The following CRTC1 variants were observed in gnomAD, a reference collection of about 807,000 sequenced individuals.
CRTC1 encodes CREB regulated transcription coactivator 1.
A neutral mutation model predicts 66.1 loss-of-function variants in CRTC1; 18 were observed. The observed-to-expected ratio is 0.27, with a 90% CI of 0.19 to 0.40. The LOEUF (loss-of-function observed/expected upper bound fraction) is 0.40, where lower values mean the gene tolerates loss of function less well. Among genes scored for constraint, CRTC1 ranks in the 10% least tolerant of loss-of-function variants. The probability of loss-of-function intolerance (pLI) is 1.00; values close to 1 mark genes in which losing one functional copy is unlikely to be tolerated. For synonymous variants in CRTC1, 416 were observed against 398.8 expected (o/e 1.04, Z -0.51); for missense variants, 669 against 887.9 (o/e 0.75, Z 3.13).
chr19:18,733,865 C>G (rs2053942215), intron 1 of CRTC1, among the ~76,000 whole-genome samples: 1 of 152,164 alleles, frequency 6.6e-6, no homozygotes, highest in Non-Finnish European at 1.5e-5. Flanking sequence ...CCTGTAATCC[C>G]AGCACTTTGG....
chr19:18,746,344 A>T (rs1382793880), intron 3 of CRTC1, among the ~76,000 whole-genome samples: 1 of 152,116 alleles, frequency 6.6e-6, no homozygotes, highest in Non-Finnish European at 1.5e-5. Context: ...CGCTGCACGG[A>T]GGGCAGCCCA....
At chr19:18,729,814 G>T in intron 1 of CRTC1, among the ~76,000 whole-genome samples, 1 of 152,100 alleles carries the variant, frequency 6.6e-6, no homozygotes, top group East Asian at 1.9e-4. Flanking sequence ...TCCCAGCCCC[G>T]CAGCCCTGTG....
At chr19:18,754,466 C>G (rs981065121) in intron 6 of CRTC1, among the ~76,000 whole-genome samples, 2 of 152,094 alleles carry the variant, frequency 1.3e-5, no homozygotes, top group African/African-American at 4.8e-5. Flanking sequence ...TGAGCTATGA[C>G]TATACCATTG....
intron 1 of CRTC1, among the ~76,000 whole-genome samples, chr19:18,685,390 G>T (rs975130555): frequency 6.6e-6 from 1 of 152,188 alleles, no homozygotes; most frequent in Non-Finnish European, 1.5e-5. Context: ...AGGTGTGGTG[G>T]CTCATGCCTG....
chr19:18,754,649 C>T (rs959750453), intron 6 of CRTC1, among the ~76,000 whole-genome samples: 1 of 152,230 alleles, frequency 6.6e-6, no homozygotes, highest in Non-Finnish European at 1.5e-5. Flanking sequence ...AAACAGCCTG[C>T]ACATTTCAGG....
At chr19:18,743,629 TGG>T (rs76431394) in intron 2 of CRTC1, among the ~76,000 whole-genome samples, 1 of 150,890 alleles carries the variant, frequency 6.6e-6, no homozygotes, top group Non-Finnish European at 1.5e-5. Flanking sequence ...CAGGTCCCCC[TGG>T]GGGGGGGTCA....
rs2054854150 is a variant in CRTC1 at position 18,771,014 on chromosome 19, G to A, written c.1321-428G>A. Among the ~76,000 whole-genome samples, 1 of 151,628 alleles carries A rather than the reference G, an allele frequency of 6.6e-6. No individual in the cohort carries two copies. Among genetic ancestry groups the A allele is most frequent in the Non-Finnish European group, 1.5e-5 (1 of 67,894 alleles). On this transcript the variant is annotated intron_variant, in intron 10 of 13. Transcript: ENST00000321949. The surrounding 1 kb of genome is among the most constrained non-coding windows in gnomAD (Gnocchi z 4.6). ...CATGCATGGGCATGTACATTCATGT[G>A]TGGATATGTGCACATGTGTGGGTGT...
chr19:18,735,007 G>A (rs1036265840), intron 1 of CRTC1, among the ~76,000 whole-genome samples: 4 of 152,318 alleles, frequency 2.6e-5, no homozygotes, highest in African/African-American at 9.6e-5. Context: ...ATGGCGAGGC[G>A]TCCGGGCAGA....
intron 11 of CRTC1, among the ~76,000 whole-genome samples, chr19:18,773,441 C>G (rs1472191316): frequency 6.6e-6 from 1 of 152,180 alleles, no homozygotes; most frequent in Non-Finnish European, 1.5e-5. Context: ...GAAACCTCAG[C>G]CTGTGTTCCC....
chr19:18,756,799 G>A (rs190913613), intron 6 of CRTC1, among the ~76,000 whole-genome samples: 1 of 152,246 alleles, frequency 6.6e-6, no homozygotes, highest in Non-Finnish European at 1.5e-5. Flanking sequence ...GGTGGTGGGT[G>A]AATTTTTAAT....
chr19:18,771,638 A>G lies in CRTC1; in HGVS notation c.1425+92A>G, dbSNP rs1447160074. On this transcript the variant is annotated intron_variant, in intron 11 of 13. Transcript: ENST00000321949. This position sits in a 1 kb window ranked among gnomAD's most constrained non-coding sequence, Gnocchi z 4.6. The stretch of plus-strand genomic sequence containing the variant: ...CCCTGCCCACTGTCTGTCCTCATGC[A>G]TCGCTCCTCATGCATGTCCTCATGC... The G allele has an allele frequency of 2.1e-6, 2 of 940,728 alleles. No homozygotes were observed. The highest frequency in any genetic ancestry group is 1.6e-5 in the African/African-American group (1 of 61,078). The allele number at this position is 940,728 out of a possible 1,614,324, so 58.3% of individuals were successfully genotyped here. A position where few individuals can be genotyped will look rare whatever the true frequency, so the allele number is the denominator to read the frequency against.
At chr19:18,715,021 T>G (rs570208586) in intron 1 of CRTC1, among the ~76,000 whole-genome samples, 84 of 152,326 alleles carry the variant, frequency 5.5e-4, no homozygotes, top group African/African-American at 1.9e-3. Context: ...TCTGGTGGTT[T>G]AAGAAACAGA....
intron 1 of CRTC1, among the ~76,000 whole-genome samples, chr19:18,733,179 C>T (rs1422450060): frequency 1.3e-5 from 2 of 152,072 alleles, no homozygotes; most frequent in Non-Finnish European, 2.9e-5. Flanking sequence ...TCCCTTAGTG[C>T]CTCAATTTAC....
At chr19:18,684,096 C>T (rs868607254) in intron 1 of CRTC1, among the ~76,000 whole-genome samples, 15 of 151,922 alleles carry the variant, frequency 9.9e-5, no homozygotes, top group South Asian at 4.1e-4. Context: ...GCCTCTATAT[C>T]ATTACTACTA....
At chr19:18,697,981 A>G (rs1037146989) in intron 1 of CRTC1, among the ~76,000 whole-genome samples, 4 of 152,064 alleles carry the variant, frequency 2.6e-5, no homozygotes, top group African/African-American at 9.7e-5. Flanking sequence ...CAACAGGCTA[A>G]TGGTATGTAC....
In CRTC1 at chr19:18,766,297, T is replaced by TA. The variant is rs1555787869; in HGVS notation, c.1011+769_1011+770insA. Among the ~76,000 whole-genome samples the TA allele has an allele frequency of 6.3e-3, 857 of 135,050 alleles. 7 individuals are homozygous for TA. Among genetic ancestry groups the TA allele is most frequent in the African/African-American group, 0.031 (823 of 26,780 alleles). 88.6% of individuals were successfully genotyped at this position (135,050 alleles called of 152,430 possible). A position where few individuals can be genotyped will look rare whatever the true frequency, so the allele number is the denominator to read the frequency against. On this transcript the variant is annotated intron_variant, in intron 9 of 13. Coordinates refer to ENST00000321949, the MANE Select transcript of CRTC1 (RefSeq NM_015321.3). The stretch of plus-strand genomic sequence containing the variant: ...TACCATGCCTGGCTAATTTTTTTTT[T>TA]TTTTTTTTTTTTGGTATTTTTAGTA...
intron 1 of CRTC1, among the ~76,000 whole-genome samples, chr19:18,695,329 ACT>A (rs964589821): frequency 1.2e-3 from 178 of 151,694 alleles, no homozygotes; most frequent in African/African-American, 3.9e-3. Context: ...TTTAAATGGG[ACT>A]CTGTAAAATG....
At chr19:18,711,019 C>T (rs1429598443) in intron 1 of CRTC1, among the ~76,000 whole-genome samples, 1 of 152,218 alleles carries the variant, frequency 6.6e-6, no homozygotes, top group Admixed American at 6.5e-5. Flanking sequence ...GCTTTGTAGG[C>T]CTCCAGCTGA....
At chr19:18,762,171 G>C (rs1018521180) in intron 8 of CRTC1, among the ~76,000 whole-genome samples, 6 of 152,194 alleles carry the variant, frequency 3.9e-5, no homozygotes, top group Non-Finnish European at 8.8e-5. Flanking sequence ...CAGAGCACAT[G>C]GCCCCCTTCC....
Sources: allele counts gnomAD v4.1 joint callset (sites outside exome capture counted in the v4.1 genomes callset), GRCh38; gene constraint gnomAD v4.1.1; non-coding constraint Gnocchi (gnomAD v3.1); transcripts MANE v1.5; gene names NCBI Gene and HGNC (gene_info 2026-07-23, HGNC 2026-07-21).